Variants in MAP3K13 observed in about 807,000 individuals in gnomAD.
The protein encoded by MAP3K13 is mitogen-activated protein kinase kinase kinase 13, also known as leucine zipper-bearing kinase.
In MAP3K13, 52 loss-of-function variants were observed where a neutral mutation model predicts 104.0. The observed-to-expected ratio is 0.50, with a 90% CI of 0.40 to 0.63. The LOEUF is 0.63. Ranked by LOEUF, MAP3K13 falls within the 20% of genes least tolerant of loss-of-function variation. The pLI is 0.00. For synonymous variants in MAP3K13, 394 were observed against 442.2 expected (o/e 0.89, Z 1.37); for missense variants, 914 against 1,218.5 (o/e 0.75, Z 3.72).
At chr3:185,291,476 T>C (rs1720736162) in intron 2 of MAP3K13, 1 of 851,476 alleles carries the variant, frequency 1.2e-6, no homozygotes, top group Admixed American at 3.7e-5. Context: ...TCTTTGTTTT[T>C]GATTTTCTCC....
At chr3:185,382,507 A>C (rs1393207257) in intron 1 of MAP3K13, among the ~76,000 whole-genome samples, 1 of 152,164 alleles carries the variant, frequency 6.6e-6, no homozygotes, top group African/African-American at 2.4e-5. Flanking sequence ...CAGGTAAGAA[A>C]ATTGAAGGTA....
intron 4 of MAP3K13, among the ~76,000 whole-genome samples, chr3:185,446,254 T>A (rs1188881731): frequency 1.3e-5 from 2 of 151,290 alleles, no homozygotes; most frequent in Non-Finnish European, 3.0e-5. Flanking sequence ...TGAAGCCTCT[T>A]ATCATTTTTT....
intron 4 of MAP3K13, among the ~76,000 whole-genome samples, chr3:185,446,462 T>C (rs1255216769): frequency 6.6e-6 from 1 of 152,172 alleles, no homozygotes; most frequent in Non-Finnish European, 1.5e-5. Flanking sequence ...CATTAAAGCC[T>C]CTGAAACCCT....
intron 1 of MAP3K13, among the ~76,000 whole-genome samples, chr3:185,421,482 G>A (rs1714127240): frequency 6.6e-6 from 1 of 152,148 alleles, no homozygotes; most frequent in African/African-American, 2.4e-5. Flanking sequence ...ACAGGCATGA[G>A]CCACCGCACC....
intron 7 of MAP3K13, among the ~76,000 whole-genome samples, chr3:185,456,463 G>A (rs1382290971): frequency 6.6e-6 from 1 of 152,012 alleles, no homozygotes; most frequent in Non-Finnish European, 1.5e-5. Flanking sequence ...CGGGGCACTG[G>A]ATGAGAAATC....
intron 7 of MAP3K13, 91 bp downstream of exon 7, chr3:185,451,486 G>C: frequency 1.3e-6 from 1 of 774,408 alleles, no homozygotes; most frequent in Non-Finnish European, 2.3e-6. Context: ...CATTGTGTTT[G>C]TTATAATAGT....
At chr3:185,378,645 AAAG>A (rs1724554220) in intron 1 of MAP3K13, among the ~76,000 whole-genome samples, 1 of 152,134 alleles carries the variant, frequency 6.6e-6, no homozygotes, top group South Asian at 2.1e-4. Flanking sequence ...AGTCCATAGA[AAAG>A]AAGGATTCAA....
chr3:185,455,845 G>GATATATATGAGAT (rs1560121048), intron 7 of MAP3K13, among the ~76,000 whole-genome samples: 3 of 88,256 alleles, frequency 3.4e-5, no homozygotes, highest in African/African-American at 1.2e-4. Context: ...ATATATATGA[G>GATATATATGAGAT]ATATATATGA....
At chr3:185,447,238 C>T (rs889426067) in intron 4 of MAP3K13, among the ~76,000 whole-genome samples, 2 of 151,938 alleles carry the variant, frequency 1.3e-5, no homozygotes, top group Non-Finnish European at 2.9e-5. Flanking sequence ...TGCCTGTAAT[C>T]GCAGCACTTT....
At chr3:185,340,849 A>G (rs182480187) in intron 2 of MAP3K13, among the ~76,000 whole-genome samples, 2 of 152,216 alleles carry the variant, frequency 1.3e-5, no homozygotes, top group East Asian at 3.9e-4. Context: ...GCCTTCCACC[A>G]TGATTGTAAG....
intron 2 of MAP3K13, among the ~76,000 whole-genome samples, chr3:185,337,924 A>G (rs1362942661): frequency 6.6e-6 from 1 of 152,204 alleles, no homozygotes; most frequent in African/African-American, 2.4e-5. Context: ...CTAGGAAACA[A>G]GCTCATCAAG....
At chr3:185,368,230 G>C (rs1040224559) in intron 1 of MAP3K13, among the ~76,000 whole-genome samples, 2 of 151,928 alleles carry the variant, frequency 1.3e-5, no homozygotes, top group African/African-American at 4.8e-5. Flanking sequence ...GTACAGATGA[G>C]GAAAAAAAGG....
rs6790088 is a variant in MAP3K13, at chr3:185,392,217, T to C, written c.-86+28849T>C. Among the ~76,000 whole-genome samples, 1,366 of 152,248 alleles carry C rather than the reference T, an allele frequency of 9.0e-3. 29 individuals are homozygous for C. Among genetic ancestry groups the C allele is most frequent in the African/African-American group, 0.031 (1,281 of 41,536 alleles). ...AGCTGCTTAAGTAAGGATTTCAGGATTCAAACCTGAACATGGCACCTGCCT... is the reference window on the plus strand; with the variant it reads ...AGCTGCTTAAGTAAGGATTTCAGGACTCAAACCTGAACATGGCACCTGCCT... On this transcript the variant is annotated intron_variant, in intron 1 of 13. Transcript: ENST00000265026.
At chr3:185,344,064 A>G (rs531604971) in intron 2 of MAP3K13, among the ~76,000 whole-genome samples, 5 of 152,346 alleles carry the variant, frequency 3.3e-5, no homozygotes, top group African/African-American at 1.2e-4. Context: ...CATTTAGAAA[A>G]TTGCTATTGA....
rs1249910038 is a variant in MAP3K13 at position 185,488,478 on chromosome 3, G to A, written c.*6022G>A. 2.6e-5 allele frequency: 4 copies of A among 152,410 alleles called. No homozygotes were observed. In the East Asian group the frequency reaches 7.7e-4, roughly 29 times the overall value. The allele number at this position is 152,410 out of a possible 1,614,324, so 9.4% of individuals were successfully genotyped here. A position where few individuals can be genotyped will look rare whatever the true frequency, so the allele number is the denominator to read the frequency against. ...CAGGGACAGGTGGCTAAAGAGGGGA[G>A]CTCTAAAATCACTGCTCTGAGAAAC... On this transcript the variant is annotated 3_prime_UTR_variant, in exon 14 of 14. Transcript: ENST00000265026.
intron 2 of MAP3K13, among the ~76,000 whole-genome samples, chr3:185,433,596 AT>A (rs1714867259): frequency 6.6e-6 from 1 of 152,216 alleles, no homozygotes; most frequent in African/African-American, 2.4e-5. Context: ...ACTTCTGATA[AT>A]TAGTTTCAGT....
chr3:185,434,584 G>C (rs892400642), intron 2 of MAP3K13, among the ~76,000 whole-genome samples: 4 of 152,090 alleles, frequency 2.6e-5, no homozygotes, highest in African/African-American at 9.7e-5. Context: ...AATAAAAATA[G>C]GAACTACATG....
intron 11 of MAP3K13, chr3:185,476,647 C>T (rs1269502848): frequency 6.6e-6 from 1 of 152,546 alleles, no homozygotes; most frequent in African/African-American, 2.4e-5. Flanking sequence ...CCATGGAGCC[C>T]CAGCAATCAC....
At chr3:185,298,925 T>C (rs1216244889) in intron 2 of MAP3K13, among the ~76,000 whole-genome samples, 2 of 152,218 alleles carry the variant, frequency 1.3e-5, no homozygotes, top group South Asian at 4.1e-4. Flanking sequence ...TTGGAAAATG[T>C]TGCAGTCTTT....
Sources: allele counts gnomAD v4.1 joint callset (sites outside exome capture counted in the v4.1 genomes callset), GRCh38; gene constraint gnomAD v4.1.1; transcripts MANE v1.5; gene names NCBI Gene and HGNC (gene_info 2026-07-23, HGNC 2026-07-21).